Variants in TSNARE1 observed in about 807,000 individuals in gnomAD.
TSNARE1 encodes the protein t-SNARE domain containing 1, also known as t-SNARE domain-containing protein 1.
In TSNARE1, 49 loss-of-function variants were observed where a neutral mutation model predicts 62.0. The observed-to-expected ratio is 0.79, with a 90% CI of 0.63 to 1.00. TSNARE1 has a LOEUF of 1.00. Among genes scored for constraint, TSNARE1 ranks in the 50% least tolerant of loss-of-function variants. The pLI is 0.00. For missense variants in TSNARE1, 755 were observed against 700.1 expected, an observed-to-expected ratio of 1.08 and a Z score of -0.88; for synonymous variants, 328 against 294.4, an observed-to-expected ratio of 1.11 and a Z score of -1.17.
chr8:142,276,618 T>G (rs1434539992), intron 11 of TSNARE1: 12 of 985,222 alleles, frequency 1.2e-5, no homozygotes, highest in Non-Finnish European at 1.4e-5. Flanking sequence ...GCTGGACACT[T>G]TCTCTGCCCC....
chr8:142,261,589 C>A (rs1452629485), intron 12 of TSNARE1, among the ~76,000 whole-genome samples: 1 of 152,052 alleles, frequency 6.6e-6, no homozygotes, highest in Admixed American at 6.5e-5. Context: ...CCCATGTGAG[C>A]CCCAGGATGT....
intron 1 of TSNARE1, among the ~76,000 whole-genome samples, chr8:142,401,413 G>A (rs201163816): frequency 6.6e-5 from 10 of 151,840 alleles, no homozygotes; most frequent in South Asian, 2.1e-4. Context: ...AGACTATGCA[G>A]GAAAAATGAC....
intron 10 of TSNARE1, among the ~76,000 whole-genome samples, chr8:142,298,717 C>G (rs1344152746): frequency 6.6e-6 from 1 of 152,232 alleles, no homozygotes; most frequent in Admixed American, 6.5e-5. Flanking sequence ...TCTCTCCTCA[C>G]GACACTCTAT....
At position 142,319,394 on chromosome 8, in the gene TSNARE1, G is replaced by C. The variant is rs2131729198; in HGVS notation, c.894-760C>G. Among the ~76,000 whole-genome samples the C allele has an allele frequency of 6.6e-6, 1 of 152,122 alleles. No homozygotes were observed. Among genetic ancestry groups the C allele is most frequent in the South Asian group, 2.1e-4 (1 of 4,822 alleles). On this transcript the variant is annotated intron_variant, in intron 6 of 13. Transcript: ENST00000524325. This position sits in a 1 kb window ranked among gnomAD's most constrained non-coding sequence, Gnocchi z 4.9. ...ACCCAGACCCAGGGAGACACAAGGA[G>C]GCCAGGACAGTCCCAGGTTACAGTT... is the stretch of plus-strand genomic sequence containing the variant.
chr8:142,275,706 G>C (rs1218319785), intron 11 of TSNARE1: 1 of 985,356 alleles, frequency 1.0e-6, no homozygotes, highest in Non-Finnish European at 1.2e-6. Flanking sequence ...AACTGGAGAA[G>C]AGCTTGGGAG....
chr8:142,327,767 C>T (rs1381233588), intron 6 of TSNARE1, among the ~76,000 whole-genome samples: 1 of 152,224 alleles, frequency 6.6e-6, no homozygotes, highest in African/African-American at 2.4e-5. Context: ...GCTCAACAAT[C>T]GTCATCCAAG....
chr8:142,309,246 CTCT>C (rs1827195897), intron 9 of TSNARE1, among the ~76,000 whole-genome samples: 1 of 152,160 alleles, frequency 6.6e-6, no homozygotes, highest in South Asian at 2.1e-4. Flanking sequence ...CTCAATCCTA[CTCT>C]TTTTTTTCAT....
At chr8:142,313,136 G>A (rs533949996) in intron 9 of TSNARE1, among the ~76,000 whole-genome samples, 13 of 152,032 alleles carry the variant, frequency 8.6e-5, no homozygotes, top group South Asian at 8.3e-4. Flanking sequence ...GCATTTATCT[G>A]CATGTGTGTC....
At position 142,222,688 on chromosome 8, in the gene TSNARE1, TCACTCACTCATCCACTCACTCACTCATC is replaced by T. The variant is rs1331136029; in HGVS notation, c.*11+6757_*11+6784del. Among the ~76,000 whole-genome samples the T allele has an allele frequency of 2.3e-4, 14 of 59,994 alleles. 1 individual carries two copies. The highest frequency in any genetic ancestry group is 4.9e-4 in the South Asian group (1 of 2,058). 39.4% of individuals were successfully genotyped at this position (59,994 alleles called of 152,430 possible). ...CTCACTCACTCATCCACTCATCCACTCACTCACTCATCCACTCACTCACTCATCCACTCACTCACTCATCCACTCACTC... is the reference window on the plus strand; with the variant it reads ...CTCACTCACTCATCCACTCATCCACTCACTCACTCACTCATCCACTCACTC... On this transcript the variant is annotated intron_variant, in intron 13 of 13. Transcript: ENST00000524325.
At chr8:142,224,109 C>T (rs922908156) in intron 13 of TSNARE1, among the ~76,000 whole-genome samples, 11 of 152,206 alleles carry the variant, frequency 7.2e-5, no homozygotes, top group East Asian at 3.9e-4. Flanking sequence ...ACGCTGAGCC[C>T]GGCCCAGATC....
chr8:142,276,579 A>T, intron 11 of TSNARE1: 2 of 985,406 alleles, frequency 2.0e-6, no homozygotes, highest in Non-Finnish European at 2.4e-6. Flanking sequence ...GGGCTAACAC[A>T]GGTGGTGCTG....
chr8:142,287,223 C>T (rs1308182274), intron 10 of TSNARE1, among the ~76,000 whole-genome samples: 2 of 146,840 alleles, frequency 1.4e-5, no homozygotes, highest in African/African-American at 5.1e-5. Context: ...AGTGGGCCGC[C>T]CTCCAGGTCG....
intron 1 of TSNARE1, among the ~76,000 whole-genome samples, chr8:142,381,467 C>T (rs563935758): frequency 1.2e-4 from 16 of 135,238 alleles, no homozygotes; most frequent in South Asian, 5.1e-4. Flanking sequence ...AACCTATCAG[C>T]GCCCCCCCCC....
At chr8:142,278,343 G>A in intron 11 of TSNARE1, 1 of 985,454 alleles carries the variant, frequency 1.0e-6, no homozygotes, top group Non-Finnish European at 1.2e-6. Context: ...GGCTGCCACT[G>A]GGGGCGTTTG....
chr8:142,396,397 C>T (rs914296685), intron 1 of TSNARE1, among the ~76,000 whole-genome samples: 1 of 152,130 alleles, frequency 6.6e-6, no homozygotes, highest in African/African-American at 2.4e-5. Context: ...TGAGCTCCGC[C>T]CACCTCCCCT....
intron 12 of TSNARE1, among the ~76,000 whole-genome samples, chr8:142,255,479 TCAC>T (rs1818396931): frequency 4.5e-5 from 1 of 22,256 alleles, no homozygotes; most frequent in African/African-American, 2.6e-4. Context: ...ACCACCACCA[TCAC>T]CATCATCATC....
At chr8:142,256,374 CACCATCATCAT>C (rs1818567785) in intron 12 of TSNARE1, among the ~76,000 whole-genome samples, 1 of 240 alleles carries the variant, frequency 4.2e-3, no homozygotes, top group African/African-American at 0.026. Flanking sequence ...CCATCATCAC[CACCATCATCAT>C]CACCAATACC....
At position 142,273,417 on chromosome 8, in the gene TSNARE1, C is replaced by T. The variant is rs190401775; in HGVS notation, c.1446+1364G>A. The stretch of plus-strand genomic sequence containing the variant: ...CCATCACCTTCTGCCTCCTGGAGGC[C>T]CCTGGGCCTAGCTGCCCTCAGCGAC... On this transcript the variant is annotated intron_variant, in intron 12 of 13. Coordinates refer to ENST00000524325, the MANE Select transcript of TSNARE1 (RefSeq NM_145003.5). 1.1e-3 allele frequency: 1,046 copies of T among 985,410 alleles called. 10 individuals are homozygous for T. In the African/African-American group the frequency reaches 0.017, roughly 16 times the overall value. The allele number at this position is 985,410 out of a possible 1,614,324, so 61.0% of individuals were successfully genotyped here. A position where few individuals can be genotyped will look rare whatever the true frequency, so the allele number is the denominator to read the frequency against.
intron 1 of TSNARE1, among the ~76,000 whole-genome samples, chr8:142,376,158 A>G (rs1182436662): frequency 6.6e-6 from 1 of 152,218 alleles, no homozygotes; most frequent in Non-Finnish European, 1.5e-5. Context: ...CACATAATCC[A>G]AAGTGCAGGA....
Sources: allele counts gnomAD v4.1 joint callset (sites outside exome capture counted in the v4.1 genomes callset), GRCh38; gene constraint gnomAD v4.1.1; non-coding constraint Gnocchi (gnomAD v3.1); transcripts MANE v1.5; gene names NCBI Gene and HGNC (gene_info 2026-07-23, HGNC 2026-07-21).